The following DHRS3 variants were observed in gnomAD, a reference collection of about 807,000 sequenced individuals.
DHRS3 encodes the protein dehydrogenase/reductase 3, also known as short-chain dehydrogenase/reductase 3.
In DHRS3, 14 loss-of-function variants were observed where a neutral mutation model predicts 27.2. The observed-to-expected ratio is 0.52, with a 90% CI of 0.34 to 0.81. The LOEUF is 0.81. Ranked by LOEUF, DHRS3 falls within the 30% of genes least tolerant of loss-of-function variation. The pLI, the probability that DHRS3 is intolerant of heterozygous loss-of-function variation, is 0.01. For synonymous variants in DHRS3, 165 were observed against 175.9 expected (o/e 0.94, Z 0.49); for missense variants, 322 against 406.2 (o/e 0.79, Z 1.78).
intron 1 of DHRS3, among the ~76,000 whole-genome samples, chr1:12,603,009 C>T (rs1442461150): frequency 6.6e-6 from 1 of 152,244 alleles, no homozygotes. Flanking sequence ...GGAGAAGCCT[C>T]CTGTGTCCTT....
rs375593931 is a variant in DHRS3, at chr1:12,579,409, C to A, written c.343G>T (p.Gly115Cys). ...QTAKAVREKVGDITILVNNAA... is the reference protein window; with the variant it reads ...QTAKAVREKVCDITILVNNAA... ...TTGTTCACCAGGATGGTGATGTCAC[C>A]CACCTGCAGGCGAGAGGGAGCCACG... is the stretch of plus-strand genomic sequence containing the variant. The change falls in exon 3 of 6, where the codon GGT (glycine) becomes TGT (cysteine). Residue 115 changes from glycine (G) to cysteine (C), a missense_variant. Coordinates refer to ENST00000616661, the MANE Select transcript of DHRS3 (RefSeq NM_004753.7). 1.4e-4 allele frequency: 221 copies of A among 1,613,770 alleles called. No individual in the cohort carries two copies. Among genetic ancestry groups the A allele is most frequent in the Non-Finnish European group, 1.8e-4 (211 of 1,179,840 alleles).
chr1:12,604,599 C>G (rs773837387), intron 1 of DHRS3, among the ~76,000 whole-genome samples: 2 of 152,228 alleles, frequency 1.3e-5, no homozygotes, highest in Non-Finnish European at 2.9e-5. Context: ...AACAGCTTGT[C>G]TCTTGACCTC....
Position 12,610,479 on chromosome 1 carries a change from C to T in DHRS3, c.195+6675G>A, listed in dbSNP as rs137913015. On this transcript the variant is annotated intron_variant, in intron 1 of 5. Transcript: ENST00000616661. Reference sequence around the variant, plus strand: ...TTTCATCTGCTTTGCTCCCTGCATGCCTTCAGTGCCCAGAACAGTGCCTGG... The same window carrying T: ...TTTCATCTGCTTTGCTCCCTGCATGTCTTCAGTGCCCAGAACAGTGCCTGG... 5.3e-3 allele frequency among the ~76,000 whole-genome samples: 812 copies of T among 152,268 alleles called. 5 individuals are homozygous for T. Among genetic ancestry groups the T allele is most frequent in the African/African-American group, 0.019 (786 of 41,524 alleles).
chr1:12,570,100 T>C (rs1237395919), intron 5 of DHRS3: 1 of 152,220 alleles, frequency 6.6e-6, no homozygotes, highest in Non-Finnish European at 1.5e-5. Context: ...CTTAGCATCT[T>C]GGTGCCCACA....
chr1:12,608,576 C>T lies in DHRS3; in HGVS notation c.195+8578G>A, dbSNP rs183550189. ...TTTCCTCCTGCCCCCTGCCCCTGCC[C>T]CTGCCTGTGTCATTGCCCTCACTGA... On this transcript the variant is annotated intron_variant, in intron 1 of 5. Coordinates refer to ENST00000616661, the MANE Select transcript of DHRS3 (RefSeq NM_004753.7). This position sits in a 1 kb window ranked among gnomAD's most constrained non-coding sequence, Gnocchi z 4.1. Among the ~76,000 whole-genome samples, 97 of 152,284 alleles carry T rather than the reference C, an allele frequency of 6.4e-4. No individual in the cohort carries two copies. Among genetic ancestry groups the T allele is most frequent in the East Asian group, 1.9e-3 (10 of 5,184 alleles).
Position 12,617,336 on chromosome 1 carries a change from G to T in DHRS3, c.13C>A (p.Arg5=), listed in dbSNP as rs1368884518. ...GGGAACATCACCAGCGCGCCCAGCC[G>T]TTTCCACACCATCCTCCGCGCCGCG... MVWK[R]LGALVMFPLQ... is the part of the protein sequence containing the mutation. Residue 5 remains arginine, a synonymous_variant, in exon 1 of 6, where the codon CGG becomes AGG. Transcript: ENST00000616661. The T allele has an allele frequency of 6.2e-7, 1 of 1,600,380 alleles. No individual in the cohort carries two copies. Among genetic ancestry groups the T allele is most frequent in the African/African-American group, 1.3e-5 (1 of 74,490 alleles).
chr1:12,596,695 G>C (rs1308966243), intron 1 of DHRS3, among the ~76,000 whole-genome samples: 1 of 152,202 alleles, frequency 6.6e-6, no homozygotes, highest in Non-Finnish European at 1.5e-5. Context: ...TTTTGGATGA[G>C]TCACTTGGCA....
intron 1 of DHRS3, among the ~76,000 whole-genome samples, chr1:12,610,244 AT>A (rs113026130): frequency 0.17 from 24,896 of 142,410 alleles, 2,331 homozygotes; most frequent in East Asian, 0.37. Context: ...ATGCCCAGCA[AT>A]TTTTTTTTTT....
intron 1 of DHRS3, among the ~76,000 whole-genome samples, chr1:12,581,098 A>G (rs1244514167): frequency 1.3e-5 from 2 of 152,174 alleles, no homozygotes; most frequent in Admixed American, 6.5e-5. Flanking sequence ...AAGTGCTGGG[A>G]TTACAGGTAT....
Position 12,594,629 on chromosome 1 carries a change from G to A in DHRS3, c.196-13963C>T, listed in dbSNP as rs181662153. 4.6e-5 allele frequency among the ~76,000 whole-genome samples: 7 copies of A among 152,136 alleles called. No homozygotes were observed. The East Asian group carries it at 7.7e-4, about 17-fold the overall frequency. The stretch of plus-strand genomic sequence containing the variant: ...ACCTGAGGGAAGTGAAGGAGGGAGC[G>A]ATACAGACGCGTGGAGGAAGAGCAT... On this transcript the variant is annotated intron_variant, in intron 1 of 5. Coordinates refer to ENST00000616661, the MANE Select transcript of DHRS3 (RefSeq NM_004753.7). The surrounding 1 kb of genome is among the most constrained non-coding windows in gnomAD (Gnocchi z 4.1).
rs988675726 is a variant in DHRS3, at chr1:12,594,238, G to A, written c.196-13572C>T. Reference sequence around the variant, plus strand: ...TACTAGAAGTTTCAAAGCAAGGCTCGGACTCCAAAGGGAAGCTCTTTTAAC... The same window carrying A: ...TACTAGAAGTTTCAAAGCAAGGCTCAGACTCCAAAGGGAAGCTCTTTTAAC... On this transcript the variant is annotated intron_variant, in intron 1 of 5. Coordinates refer to ENST00000616661, the MANE Select transcript of DHRS3 (RefSeq NM_004753.7). This position sits in a 1 kb window ranked among gnomAD's most constrained non-coding sequence, Gnocchi z 4.1. 3.9e-5 allele frequency among the ~76,000 whole-genome samples: 6 copies of A among 152,168 alleles called. No individual in the cohort carries two copies. Among genetic ancestry groups the A allele is most frequent in the Non-Finnish European group, 8.8e-5 (6 of 68,032 alleles).
chr1:12,610,843 G>A (rs1220315610), intron 1 of DHRS3, among the ~76,000 whole-genome samples: 1 of 152,188 alleles, frequency 6.6e-6, no homozygotes, highest in Non-Finnish European at 1.5e-5. Context: ...AGACAACGGT[G>A]AGCACAGCCT....
chr1:12,595,518 C>A (rs1170624885), intron 1 of DHRS3, among the ~76,000 whole-genome samples: 1 of 2,932 alleles, frequency 3.4e-4, no homozygotes, highest in East Asian at 9.1e-3. Context: ...TGGGAAGGGG[C>A]GGGAGATAGA....
chr1:12,579,544 C>T (rs1187716614), intron 2 of DHRS3, 132 bp from the exon 3 acceptor site: 56 of 1,338,690 alleles, frequency 4.2e-5, no homozygotes, highest in African/African-American at 2.2e-4. Flanking sequence ...GGCACCATCT[C>T]GGCTCACTGC....
intron 1 of DHRS3, among the ~76,000 whole-genome samples, chr1:12,606,423 C>T (rs892434763): frequency 2.0e-5 from 3 of 151,484 alleles, no homozygotes; most frequent in Non-Finnish European, 2.9e-5. Flanking sequence ...GGCACCAAAA[C>T]CACTGCATCC....
Position 12,576,724 on chromosome 1 carries a change from C to T in DHRS3, c.698+1994G>A, listed in dbSNP as rs577796080. Among the ~76,000 whole-genome samples, 7 of 151,618 alleles carry T rather than the reference C, an allele frequency of 4.6e-5. No homozygotes were observed. In the South Asian group the frequency reaches 6.3e-4, roughly 14 times the overall value. Reference sequence around the variant, plus strand: ...TTAGTAGCCATTAGTCTAGACTCCTCGAAATTCAGAATTGATGACAATTTG... The same window carrying T: ...TTAGTAGCCATTAGTCTAGACTCCTTGAAATTCAGAATTGATGACAATTTG... On this transcript the variant is annotated intron_variant, in intron 4 of 5. Transcript: ENST00000616661.
At position 12,568,361 on chromosome 1, in the gene DHRS3, G is replaced by A; in HGVS notation, c.888C>T (p.Asn296=). 6.2e-7 allele frequency: 1 copy of A among 1,613,950 alleles called. No homozygotes were observed. ...GTCTCTATGTCCGCCCTTTGAAAGT[G>A]TTCATGCAGGTGTAGGTTCCTGAGA... The part of the protein sequence containing the change: ...HKFSGTYTCM[N]TFKGRT The change falls in exon 6 of 6, where the codon AAC becomes AAT. Residue 296 remains asparagine (N), a synonymous_variant. Coordinates refer to ENST00000616661, the MANE Select transcript of DHRS3 (RefSeq NM_004753.7).
Position 12,568,271 on chromosome 1 carries a change from C to T in DHRS3, c.*69G>A. The stretch of plus-strand genomic sequence containing the variant: ...GCAGAAGCATGCCAATGGACAGGTG[C>T]TCGGGTGTGTGCCCAGGTGCTGTGG... On this transcript the variant is annotated 3_prime_UTR_variant, in exon 6 of 6. Coordinates refer to ENST00000616661, the MANE Select transcript of DHRS3 (RefSeq NM_004753.7). 1 of 1,409,558 alleles carries T rather than the reference C, an allele frequency of 7.1e-7. No homozygotes were observed. The highest frequency in any genetic ancestry group is 1.0e-6 in the Non-Finnish European group (1 of 996,640). The allele number at this position is 1,409,558 out of a possible 1,614,324, so 87.3% of individuals were successfully genotyped here.
At chr1:12,617,008 C>T in intron 1 of DHRS3, 146 bp downstream of exon 1, 1 of 1,053,420 alleles carries the variant, frequency 9.5e-7, no homozygotes, top group Non-Finnish European at 1.3e-6. Context: ...AAGGTGAAAC[C>T]GACTAGCTCA....
Sources: allele counts gnomAD v4.1 joint callset (sites outside exome capture counted in the v4.1 genomes callset), GRCh38; gene constraint gnomAD v4.1.1; non-coding constraint Gnocchi (gnomAD v3.1); transcripts MANE v1.5; gene names NCBI Gene and HGNC (gene_info 2026-07-23, HGNC 2026-07-21).